The following C1GALT1 variants were observed in gnomAD, a reference collection of about 807,000 sequenced individuals.
The protein encoded by C1GALT1 is core 1 synthase, glycoprotein-N-acetylgalactosamine 3-beta-galactosyltransferase 1, also known as glycoprotein-N-acetylgalactosamine 3-beta-galactosyltransferase 1.
C1GALT1 carries 11 observed loss-of-function variants against 31.0 expected under a neutral mutation model. The observed-to-expected ratio is 0.36, with a 90% CI of 0.22 to 0.59. C1GALT1 has a LOEUF of 0.59. Among genes scored for constraint, C1GALT1 ranks in the 20% least tolerant of loss-of-function variants. The pLI is 0.79. For missense variants in C1GALT1, 424 were observed against 425.2 expected (o/e 1.00, Z 0.03); for synonymous variants, 175 against 143.6 (o/e 1.22, Z -1.56).
chr7:7,207,198 C>G (rs567838835), intron 1 of C1GALT1, among the ~76,000 whole-genome samples: 60 of 152,062 alleles, frequency 3.9e-4, no homozygotes, highest in African/African-American at 1.2e-3. Flanking sequence ...TTCACTGATT[C>G]TTTTTTTCTT....
At chr7:7,183,744 C>T (rs1780694559) in intron 1 of C1GALT1, 1 of 282,690 alleles carries the variant, frequency 3.5e-6, no homozygotes, top group Non-Finnish European at 5.2e-6. Context: ...TGGAAAAATT[C>T]TCAAGATTTC....
At chr7:7,211,436 G>A (rs1781999127) in intron 1 of C1GALT1, among the ~76,000 whole-genome samples, 1 of 152,156 alleles carries the variant, frequency 6.6e-6, no homozygotes, top group African/African-American at 2.4e-5. Flanking sequence ...CAGACTCAGT[G>A]ATAGTAAAAC....
chr7:7,231,298 T>C (rs1362516350), intron 1 of C1GALT1, among the ~76,000 whole-genome samples: 3 of 152,178 alleles, frequency 2.0e-5, no homozygotes, highest in Admixed American at 2.0e-4. Flanking sequence ...TAGGTAACAT[T>C]TTCTTTTTCT....
chr7:7,192,187 G>C (rs1270636395), intron 1 of C1GALT1, among the ~76,000 whole-genome samples: 1 of 151,448 alleles, frequency 6.6e-6, no homozygotes, highest in Non-Finnish European at 1.5e-5. Context: ...AGGTGGTGTT[G>C]GGTTACATGG....
At chr7:7,193,266 G>A (rs1358754339) in intron 1 of C1GALT1, among the ~76,000 whole-genome samples, 1 of 151,950 alleles carries the variant, frequency 6.6e-6, no homozygotes, top group African/African-American at 2.4e-5. Flanking sequence ...ATATCTTCTG[G>A]GACTTTTATG....
At position 7,234,342 on chromosome 7, in the gene C1GALT1, A is replaced by G. The variant is rs1188061810; in HGVS notation, c.23A>G (p.Asn8Ser). 6.2e-7 allele frequency: 1 copy of G among 1,613,738 alleles called. No homozygotes were observed. Reference sequence around the variant, plus strand: ...GAAATGGCCTCTAAATCCTGGCTGAATTTTTTAACCTTCCTCTGTGGATCA... The same window carrying G: ...GAAATGGCCTCTAAATCCTGGCTGAGTTTTTTAACCTTCCTCTGTGGATCA... MASKSWL[N>S]FLTFLCGSAI... Residue 8 changes from asparagine to serine, a missense_variant, in exon 2 of 4, where the codon AAT becomes AGT. By Grantham distance (46) the Asn-to-Ser change is conservative (BLOSUM62 1). Around this residue, in one of 3 missense-constraint regions of C1GALT1, gnomAD observed 189 missense variants for 158.2 expected, o/e 1.19. Coordinates refer to ENST00000436587, the MANE Select transcript of C1GALT1 (RefSeq NM_020156.5).
intron 1 of C1GALT1, among the ~76,000 whole-genome samples, chr7:7,200,833 G>GT (rs1354268125): frequency 1.3e-5 from 2 of 152,132 alleles, no homozygotes; most frequent in Non-Finnish European, 2.9e-5. Flanking sequence ...TTGTGCCATG[G>GT]TTTTCAGCTC....
chr7:7,182,755 C>T lies in C1GALT1; in HGVS notation c.-83C>T. 1.0e-6 allele frequency: 1 copy of T among 977,272 alleles called. No homozygotes were observed. The highest frequency in any genetic ancestry group is 1.2e-6 in the Non-Finnish European group (1 of 822,410). The allele number at this position is 977,272 out of a possible 1,614,324, so 60.5% of individuals were successfully genotyped here. A position where few individuals can be genotyped will look rare whatever the true frequency, so the allele number is the denominator to read the frequency against. ...CGGCTGCCCAGAGAAGCAAAGGTCA[C>T]CAGTCCCAAGTCGTCCCCCTCTCCG... On this transcript the variant is annotated 5_prime_UTR_variant, in exon 1 of 4. Transcript: ENST00000436587.
At chr7:7,194,088 G>T in intron 1 of C1GALT1, among the ~76,000 whole-genome samples, 1 of 152,070 alleles carries the variant, frequency 6.6e-6, no homozygotes, top group Non-Finnish European at 1.5e-5. Context: ...AATCTTTAGG[G>T]TTTTCTTGGT....
rs1783846267 is a variant in C1GALT1, at chr7:7,246,408, C to G, written c.*2681C>G. On this transcript the variant is annotated 3_prime_UTR_variant, in exon 4 of 4. Coordinates refer to ENST00000436587, the MANE Select transcript of C1GALT1 (RefSeq NM_020156.5). ...GCCAGTAATAGTCAAATTAACCCAG[C>G]CAAATTGTCACAGTGATTCTTAAAC... The G allele has an allele frequency of 6.6e-6, 1 of 152,096 alleles. No individual in the cohort carries two copies. Among genetic ancestry groups the G allele is most frequent in the African/African-American group, 2.4e-5 (1 of 41,404 alleles). The allele number at this position is 152,096 out of a possible 1,614,324, so 9.4% of individuals were successfully genotyped here.
chr7:7,163,348 C>T, intron 2 of C1GALT1, among the ~76,000 whole-genome samples: 1 of 152,136 alleles, frequency 6.6e-6, no homozygotes, highest in East Asian at 1.9e-4. Context: ...GACAAACCCA[C>T]AGCCAATATC....
chr7:7,248,585 A>G lies in C1GALT1; in HGVS notation c.*4858A>G, dbSNP rs1783937885. The G allele has an allele frequency of 6.6e-6, 1 of 152,026 alleles. No individual in the cohort carries two copies. The highest frequency in any genetic ancestry group is 2.1e-4 in the South Asian group (1 of 4,834). 9.4% of individuals were successfully genotyped at this position (152,026 alleles called of 1,614,324 possible). On this transcript the variant is annotated 3_prime_UTR_variant, in exon 4 of 4. Coordinates refer to ENST00000436587, the MANE Select transcript of C1GALT1 (RefSeq NM_020156.5). ...TGAACATTTTTAAACAGCGGATTTAAATAATGCATAAAATAAATTGCCATG... is the reference window on the plus strand; with the variant it reads ...TGAACATTTTTAAACAGCGGATTTAGATAATGCATAAAATAAATTGCCATG...
Position 7,238,757 on chromosome 7 carries a change from A to G in C1GALT1, c.723A>G (p.Leu241=). 1 of 1,613,764 alleles carries G rather than the reference A, an allele frequency of 6.2e-7. No homozygotes were observed. The highest frequency in any genetic ancestry group is 8.5e-7 in the Non-Finnish European group (1 of 1,179,912). The change falls in exon 3 of 4, where the codon TTA becomes TTG. Residue 241 remains leucine, a synonymous_variant. Transcript: ENST00000436587. This position sits in a 1 kb window ranked among gnomAD's most constrained non-coding sequence, Gnocchi z 5.2. ...KCTHSSSIED[L]ALGRCMEIMN... ...CACATAGTTCCTCCATTGAAGACTT[A>G]GCACTGGGGAGATGCATGGAAATTA...
intron 1 of C1GALT1, among the ~76,000 whole-genome samples, chr7:7,227,346 C>G (rs1335815315): frequency 6.6e-6 from 1 of 152,210 alleles, no homozygotes; most frequent in East Asian, 1.9e-4. Flanking sequence ...AGACAGACCT[C>G]TGCCCTCATG....
At chr7:7,239,490 T>C (rs1005666328) in intron 3 of C1GALT1, among the ~76,000 whole-genome samples, 18 of 152,196 alleles carry the variant, frequency 1.2e-4, no homozygotes, top group African/African-American at 4.3e-4. Context: ...TCCTGCTCTC[T>C]CACTTAATAG....
At chr7:7,204,506 C>A (rs1372404151) in intron 1 of C1GALT1, among the ~76,000 whole-genome samples, 1 of 151,916 alleles carries the variant, frequency 6.6e-6, no homozygotes, top group Non-Finnish European at 1.5e-5. Flanking sequence ...TTTTGAAGAA[C>A]CAACTTTTAG....
At chr7:7,236,655 G>C (rs1783370049) in intron 2 of C1GALT1, among the ~76,000 whole-genome samples, 1 of 151,938 alleles carries the variant, frequency 6.6e-6, no homozygotes, top group South Asian at 2.1e-4. Flanking sequence ...CCGAGTAGCT[G>C]GGATTACAGG....
At chr7:7,231,563 ATTT>A (rs1783075825) in intron 1 of C1GALT1, among the ~76,000 whole-genome samples, 1 of 151,934 alleles carries the variant, frequency 6.6e-6, no homozygotes, top group South Asian at 2.1e-4. Context: ...TAGGTTATTA[ATTT>A]TTTTCTTCAG....
At position 7,247,641 on chromosome 7, in the gene C1GALT1, A is replaced by C. The variant is rs1385348003; in HGVS notation, c.*3914A>C. On this transcript the variant is annotated 3_prime_UTR_variant, in exon 4 of 4. Coordinates refer to ENST00000436587, the MANE Select transcript of C1GALT1 (RefSeq NM_020156.5). ...GTACTTGAAAGAATCCCTTGATTAAATTACATCTAGCATTTTATTTGCCAT... is the reference window on the plus strand; with the variant it reads ...GTACTTGAAAGAATCCCTTGATTAACTTACATCTAGCATTTTATTTGCCAT... 5.9e-5 allele frequency: 9 copies of C among 152,126 alleles called. No homozygotes were observed. Among genetic ancestry groups the C allele is most frequent in the Admixed American group, 4.6e-4 (7 of 15,276 alleles). 9.4% of individuals were successfully genotyped at this position (152,126 alleles called of 1,614,324 possible).
Sources: gnomAD v4.1 joint callset for allele counts (sites outside exome capture counted in the v4.1 genomes callset) on GRCh38, gnomAD v4.1.1 for gene constraint, gnomAD v4.1.1 regional missense constraint, Gnocchi (gnomAD v3.1) non-coding constraint, MANE v1.5 for transcripts, NCBI Gene and HGNC (gene_info 2026-07-23, HGNC 2026-07-21) for gene names.